Variants in LRBA observed in about 807,000 individuals in gnomAD.
LRBA encodes LPS responsive beige-like anchor protein.
A neutral mutation model predicts 330.0 loss-of-function variants in LRBA; 176 were observed. The ratio of observed to expected loss-of-function variants is 0.53; its 90% CI spans 0.47 to 0.60. LRBA has a LOEUF of 0.60. LRBA is among the 20% of genes least tolerant of loss of function. LRBA has a pLI of 0.00. For missense variants in LRBA, 3,259 were observed against 3,444.8 expected (o/e 0.95, Z 1.35); for synonymous variants, 1,230 against 1,193.0 (o/e 1.03, Z -0.64).
chr4:150,868,276 G>T lies in LRBA; in HGVS notation c.2479C>A (p.Arg827=). The T allele has an allele frequency of 6.2e-7, 1 of 1,611,540 alleles. No individual in the cohort carries two copies. Among genetic ancestry groups the T allele is most frequent in the East Asian group, 2.2e-5 (1 of 44,814 alleles). ...CTCTCTGGGCACTGGGGAGAATTTC[G>T]AAGTAGGGTCGCAATTACTTTTAGT... ...QILKVIATLL[R]NSPQCPESME... is the part of the protein sequence containing the mutation. The change falls in exon 21 of 57, where the codon CGA becomes AGA. Residue 827 remains arginine (R), a synonymous_variant. Transcript: ENST00000651943.
At chr4:150,281,487 TTTAC>T (rs945116737) in intron 55 of LRBA, among the ~76,000 whole-genome samples, 1 of 152,094 alleles carries the variant, frequency 6.6e-6, no homozygotes, top group Non-Finnish European at 1.5e-5. Flanking sequence ...GAGACCAGTA[TTTAC>T]TTAGGAGAAG....
chr4:150,931,566 G>C (rs1734505547), intron 2 of LRBA, among the ~76,000 whole-genome samples: 1 of 149,352 alleles, frequency 6.7e-6, no homozygotes, highest in Non-Finnish European at 1.5e-5. Context: ...TTTGAGACCA[G>C]TCTGGCAACA....
intron 2 of LRBA, among the ~76,000 whole-genome samples, chr4:150,991,079 A>G (rs989804666): frequency 1.3e-5 from 2 of 151,868 alleles, no homozygotes; most frequent in African/African-American, 4.8e-5. Context: ...AAGAAGACGA[A>G]GAAGAAAAAG....
At chr4:150,879,399 A>G (rs1728124913) in intron 17 of LRBA, among the ~76,000 whole-genome samples, 1 of 152,206 alleles carries the variant, frequency 6.6e-6, no homozygotes, top group African/African-American at 2.4e-5. Context: ...GGGTAAACCC[A>G]CAGCTAACAT....
intron 42 of LRBA, among the ~76,000 whole-genome samples, chr4:150,480,684 A>T (rs1757198659): frequency 6.6e-6 from 1 of 152,160 alleles, no homozygotes; most frequent in East Asian, 1.9e-4. Flanking sequence ...TTGGAATATA[A>T]TTAATTTTTT....
chr4:150,265,574 G>C lies in LRBA; in HGVS notation c.*148C>G, dbSNP rs1447211495. The C allele has an allele frequency of 8.6e-6, 5 of 582,476 alleles. No homozygotes were observed. The East Asian group carries it at 1.5e-4, about 17-fold the overall frequency. 36.1% of individuals were successfully genotyped at this position (582,476 alleles called of 1,614,324 possible). The stretch of plus-strand genomic sequence containing the variant: ...ATCCCCCCCAAAAAAGTCAAGCAAA[G>C]ACTACAAAAATAGCAATTATTAATA... On this transcript the variant is annotated 3_prime_UTR_variant, in exon 57 of 57. Transcript: ENST00000651943.
chr4:150,515,235 C>A (rs1355838575), intron 40 of LRBA, among the ~76,000 whole-genome samples: 1 of 152,006 alleles, frequency 6.6e-6, no homozygotes, highest in Non-Finnish European at 1.5e-5. Context: ...TCTTGGATTG[C>A]AAGAGTGGTT....
chr4:150,322,988 T>C (rs1359068514), intron 49 of LRBA, among the ~76,000 whole-genome samples: 3 of 137,678 alleles, frequency 2.2e-5, no homozygotes, highest in Non-Finnish European at 3.1e-5. Context: ...TATATTTGTG[T>C]GTGTCTCTGT....
chr4:150,992,315 C>CAAA (rs11444108), intron 2 of LRBA, among the ~76,000 whole-genome samples: 7 of 133,296 alleles, frequency 5.3e-5, no homozygotes, highest in Non-Finnish European at 4.7e-5. Context: ...GACTCCGTCT[C>CAAA]AAAAAAAAAA....
At chr4:150,761,948 C>T (rs1735154108) in intron 34 of LRBA, 101 bp from the exon 35 acceptor site, 2 of 673,272 alleles carry the variant, frequency 3.0e-6, no homozygotes, top group East Asian at 2.7e-5. Context: ...CAATTTCATG[C>T]CTAACTCTTA....
At chr4:150,697,441 G>A (rs1194163729) in intron 36 of LRBA, among the ~76,000 whole-genome samples, 1 of 149,810 alleles carries the variant, frequency 6.7e-6, no homozygotes, top group Non-Finnish European at 1.5e-5. Context: ...AAATAAAAGA[G>A]GTCAAAAACT....
Position 150,529,966 on chromosome 4 carries a change from T to C in LRBA, c.6331-38931A>G, listed in dbSNP as rs550741890. Among the ~76,000 whole-genome samples, 78 of 152,346 alleles carry C rather than the reference T, an allele frequency of 5.1e-4. 1 individual carries two copies. The highest frequency in any genetic ancestry group is 1.0e-3 in the Non-Finnish European group (70 of 68,036). ...AGTATTTAAAAACTAGTCTCAGATATCATGTTATCTCATAATCCTTGCATT... is the reference window on the plus strand; with the variant it reads ...AGTATTTAAAAACTAGTCTCAGATACCATGTTATCTCATAATCCTTGCATT... On this transcript the variant is annotated intron_variant, in intron 40 of 56. Coordinates refer to ENST00000651943, the MANE Select transcript of LRBA (RefSeq NM_001364905.1).
At chr4:150,608,254 T>C (rs1581801483) in intron 37 of LRBA, among the ~76,000 whole-genome samples, 1 of 151,814 alleles carries the variant, frequency 6.6e-6, no homozygotes, top group Admixed American at 6.6e-5. Flanking sequence ...GTCTTGGGAG[T>C]CAGTAGATTT....
chr4:150,488,131 T>C (rs1758111619), intron 41 of LRBA, among the ~76,000 whole-genome samples: 1 of 151,588 alleles, frequency 6.6e-6, no homozygotes, highest in South Asian at 2.1e-4. Flanking sequence ...ATGATAATAA[T>C]AATGATAATG....
intron 37 of LRBA, among the ~76,000 whole-genome samples, chr4:150,610,055 T>C (rs1775066518): frequency 1.3e-5 from 2 of 152,164 alleles, no homozygotes; most frequent in African/African-American, 2.4e-5. Context: ...GATTGTTTGT[T>C]TTTTTTCTAT....
Position 150,583,800 on chromosome 4 carries a change from G to A in LRBA, c.6330+4248C>T. 6.2e-7 allele frequency: 1 copy of A among 1,614,188 alleles called. No homozygotes were observed. Among genetic ancestry groups the A allele is most frequent in the Non-Finnish European group, 8.5e-7 (1 of 1,180,032 alleles). The stretch of plus-strand genomic sequence containing the variant: ...AGTGCCTCTCAGTGCTGAAGACTCT[G>A]CGGGACCGCCACCTGGAGCTACCCG... On this transcript the variant is annotated intron_variant, in intron 40 of 56. Transcript: ENST00000651943. This position sits in a 1 kb window ranked among gnomAD's most constrained non-coding sequence, Gnocchi z 9.8.
At chr4:150,274,709 T>A (rs1746535410) in intron 56 of LRBA, among the ~76,000 whole-genome samples, 1 of 152,186 alleles carries the variant, frequency 6.6e-6, no homozygotes, top group Non-Finnish European at 1.5e-5. Flanking sequence ...AATGGATACA[T>A]TCTTGGGCAC....
chr4:150,675,348 T>C (rs554426794), intron 37 of LRBA, among the ~76,000 whole-genome samples: 1 of 152,322 alleles, frequency 6.6e-6, no homozygotes, highest in South Asian at 2.1e-4. Context: ...GTTTCTTCAT[T>C]TGTAAACTTG....
chr4:150,736,629 T>C (rs930342304), intron 35 of LRBA, among the ~76,000 whole-genome samples: 1 of 152,230 alleles, frequency 6.6e-6, no homozygotes, highest in Admixed American at 6.5e-5. Flanking sequence ...CTAATGTAAG[T>C]GTATCTGTAG....
Sources: gnomAD v4.1 joint callset for allele counts (sites outside exome capture counted in the v4.1 genomes callset) on GRCh38, gnomAD v4.1.1 for gene constraint, Gnocchi (gnomAD v3.1) non-coding constraint, MANE v1.5 for transcripts, NCBI Gene and HGNC (gene_info 2026-07-23, HGNC 2026-07-21) for gene names.